The following FCHSD2 variants were observed in gnomAD, a reference collection of about 807,000 sequenced individuals.
FCHSD2 encodes the protein F-BAR and double SH3 domains protein 2.
Under a neutral mutation model 108.1 loss-of-function variants are expected in FCHSD2, and 38 were observed. The ratio of observed to expected loss-of-function variants is 0.35; its 90% confidence interval spans 0.27 to 0.46. The LOEUF (loss-of-function observed/expected upper bound fraction) is 0.46, where lower values mean the gene tolerates loss of function less well. FCHSD2 is among the 20% of genes least tolerant of loss of function. The probability of loss-of-function intolerance (pLI) is 1.00; values close to 1 mark genes in which losing one functional copy is unlikely to be tolerated. For missense variants in FCHSD2, 751 were observed against 897.8 expected, an observed-to-expected ratio of 0.84 and a Z score of 2.09; for synonymous variants, 279 against 314.7, an observed-to-expected ratio of 0.89 and a Z score of 1.20.
intron 2 of FCHSD2, among the ~76,000 whole-genome samples, chr11:73,121,034 C>T (rs1216671504): frequency 6.6e-6 from 1 of 151,980 alleles, no homozygotes; most frequent in Non-Finnish European, 1.5e-5. Flanking sequence ...GAGCTTACAC[C>T]TCTTCTCTTT....
intron 16 of FCHSD2, 88 bp downstream of exon 16, chr11:72,843,063 G>T: frequency 7.6e-7 from 1 of 1,307,680 alleles, no homozygotes; most frequent in Non-Finnish European, 1.1e-6. Flanking sequence ...GGAAAGTTGT[G>T]CTTTTTATCC....
intron 14 of FCHSD2, among the ~76,000 whole-genome samples, chr11:72,844,522 CAT>C (rs1861066119): frequency 6.6e-6 from 1 of 152,274 alleles, no homozygotes; most frequent in South Asian, 2.1e-4. Flanking sequence ...CAGCCACCCA[CAT>C]GTTGCCCTTG....
intron 6 of FCHSD2, among the ~76,000 whole-genome samples, chr11:72,986,232 C>T (rs937889099): frequency 2.1e-4 from 32 of 152,266 alleles, no homozygotes; most frequent in African/African-American, 6.0e-4. Context: ...TATTTAGAGA[C>T]GGAGTCTCGC....
intron 10 of FCHSD2, 89 bp from the exon 11 acceptor site, chr11:72,890,034 T>A: frequency 1.3e-6 from 1 of 743,630 alleles, no homozygotes; most frequent in Non-Finnish European, 2.3e-6. Flanking sequence ...GGCCTTCACT[T>A]AATCAGCACT....
chr11:73,088,477 G>C (rs992407613), intron 2 of FCHSD2, among the ~76,000 whole-genome samples: 1 of 151,990 alleles, frequency 6.6e-6, no homozygotes, highest in Non-Finnish European at 1.5e-5. Flanking sequence ...GTGTGCGTTT[G>C]TGTGTGTGTA....
At chr11:72,985,658 G>A (rs1262395492) in intron 6 of FCHSD2, among the ~76,000 whole-genome samples, 2 of 146,422 alleles carry the variant, frequency 1.4e-5, no homozygotes, top group African/African-American at 5.1e-5. Context: ...TCTGCTCTAA[G>A]GGGGTATTCT....
intron 9 of FCHSD2, among the ~76,000 whole-genome samples, chr11:72,913,709 T>C (rs1855810295): frequency 6.6e-6 from 1 of 152,054 alleles, no homozygotes; most frequent in Non-Finnish European, 1.5e-5. Context: ...GGTTATTCTC[T>C]TTTTTTCCTC....
At chr11:72,904,582 A>C (rs907191880) in intron 9 of FCHSD2, among the ~76,000 whole-genome samples, 5 of 152,218 alleles carry the variant, frequency 3.3e-5, no homozygotes, top group African/African-American at 9.6e-5. Flanking sequence ...TTAGTTTATA[A>C]ATATTTCAGT....
chr11:72,873,192 G>A (rs895405048), intron 12 of FCHSD2, among the ~76,000 whole-genome samples: 1 of 152,028 alleles, frequency 6.6e-6, no homozygotes, highest in African/African-American at 2.4e-5. Context: ...AGCCGGACAC[G>A]GTGGCGGGTG....
At chr11:73,083,960 T>G (rs1005086805) in intron 2 of FCHSD2, among the ~76,000 whole-genome samples, 1 of 152,238 alleles carries the variant, frequency 6.6e-6, no homozygotes, top group Non-Finnish European at 1.5e-5. Context: ...CTGTATGACC[T>G]TGGCCAAGTC....
At chr11:73,138,828 G>C (rs753841044) in intron 2 of FCHSD2, among the ~76,000 whole-genome samples, 1 of 152,072 alleles carries the variant, frequency 6.6e-6, no homozygotes, top group Non-Finnish European at 1.5e-5. Flanking sequence ...GGCTGGTCTC[G>C]AACTCCTGAC....
At chr11:73,011,126 A>G (rs1857854567) in intron 4 of FCHSD2, among the ~76,000 whole-genome samples, 1 of 152,122 alleles carries the variant, frequency 6.6e-6, no homozygotes, top group Non-Finnish European at 1.5e-5. Flanking sequence ...GTGCTGGGCA[A>G]TCTCCTGGAC....
chr11:72,897,883 A>T (rs1205664875), intron 10 of FCHSD2, among the ~76,000 whole-genome samples: 1 of 152,234 alleles, frequency 6.6e-6, no homozygotes, highest in Non-Finnish European at 1.5e-5. Flanking sequence ...CATTTCAGCA[A>T]AAAAGATGTA....
At chr11:73,090,570 C>G (rs1219009617) in intron 2 of FCHSD2, among the ~76,000 whole-genome samples, 1 of 152,168 alleles carries the variant, frequency 6.6e-6, no homozygotes, top group Non-Finnish European at 1.5e-5. Context: ...AAAAACTGTC[C>G]TGTGCAAAAA....
In FCHSD2 at chr11:73,097,017, G is replaced by T. The variant is rs370426539; in HGVS notation, c.120-13277C>A. 7.5e-3 allele frequency among the ~76,000 whole-genome samples: 21 copies of T among 2,800 alleles called. 1 individual carries two copies. The highest frequency in any genetic ancestry group is 0.022 in the South Asian group (2 of 92). 1.8% of individuals were successfully genotyped at this position (2,800 alleles called of 152,430 possible). A position where few individuals can be genotyped will look rare whatever the true frequency, so the allele number is the denominator to read the frequency against. On this transcript the variant is annotated intron_variant, in intron 2 of 19. Transcript: ENST00000409418. Reference sequence around the variant, plus strand: ...TTTTTTTTTTTTTTTTTTTTTTTTTGATGAGACAGGGTCTCACTCTGGTCA... The same window carrying T: ...TTTTTTTTTTTTTTTTTTTTTTTTTTATGAGACAGGGTCTCACTCTGGTCA...
chr11:73,116,928 T>G (rs1480214008), intron 2 of FCHSD2, among the ~76,000 whole-genome samples: 1 of 102,552 alleles, frequency 9.8e-6, no homozygotes, highest in Non-Finnish European at 1.9e-5. Flanking sequence ...TATTTTTTCA[T>G]GTAAAACCTT....
intron 2 of FCHSD2, among the ~76,000 whole-genome samples, chr11:73,116,427 T>C (rs563498037): frequency 6.6e-6 from 1 of 152,364 alleles, no homozygotes; most frequent in Non-Finnish European, 1.5e-5. Flanking sequence ...GTTTTTCTCA[T>C]TCTGTGAAAC....
In FCHSD2 at chr11:72,841,510, T is replaced by C. The variant is rs766715895; in HGVS notation, c.2000A>G (p.Tyr667Cys). ...GGAGCTCCTCTTATCTGGGCTGGGGTAGGGGCTGCTGGGAGGCTGGTCGTA... is the reference window on the plus strand; with the variant it reads ...GGAGCTCCTCTTATCTGGGCTGGGGCAGGGGCTGCTGGGAGGCTGGTCGTA... The part of the protein sequence containing the change: ...PLYDQPPSSP[Y>C]PSPDKRSSLY... Residue 667 changes from tyrosine to cysteine, a missense_variant, in exon 18 of 20, where the codon TAC becomes TGC. By Grantham distance (194) the Tyr-to-Cys change is radical. Coordinates refer to ENST00000409418, the MANE Select transcript of FCHSD2 (RefSeq NM_014824.3). 7.5e-6 allele frequency: 12 copies of C among 1,610,460 alleles called. No individual in the cohort carries two copies. In the East Asian group the frequency reaches 2.5e-4, roughly 33 times the overall value.
chr11:73,042,550 G>A (rs567154980), intron 3 of FCHSD2, among the ~76,000 whole-genome samples: 12 of 152,164 alleles, frequency 7.9e-5, no homozygotes, highest in South Asian at 4.2e-4. Context: ...GGTCTTCTGC[G>A]GTTCCATACA....
Sources: gnomAD v4.1 joint callset for allele counts (sites outside exome capture counted in the v4.1 genomes callset) on GRCh38, gnomAD v4.1.1 for gene constraint, MANE v1.5 for transcripts, NCBI Gene and HGNC (gene_info 2026-07-23, HGNC 2026-07-21) for gene names.